Variants in CXCL5 observed in about 807,000 individuals in gnomAD.
CXCL5 encodes the protein C-X-C motif chemokine 5.
In CXCL5, 13 loss-of-function variants were observed where a neutral mutation model predicts 12.1. The observed-to-expected ratio is 1.08, with a 90% CI of 0.70 to 1.71. The LOEUF (loss-of-function observed/expected upper bound fraction) is 1.71, where lower values mean the gene tolerates loss of function less well. Among genes scored for constraint, CXCL5 ranks in the 40% most tolerant of loss-of-function variants. The pLI is 0.00. For missense variants in CXCL5, 159 were observed against 142.4 expected (o/e 1.12, Z -0.59); for synonymous variants, 67 against 59.0 (o/e 1.14, Z -0.62).
At position 73,998,111 on chromosome 4, in the gene CXCL5, A is replaced by C; in HGVS notation, c.243-16T>G. The C allele has an allele frequency of 6.2e-7, 1 of 1,613,506 alleles. No individual in the cohort carries two copies. Among genetic ancestry groups the C allele is most frequent in the Non-Finnish European group, 8.5e-7 (1 of 1,179,892 alleles). ...CAGGGAGGCTCTGAAGGAAAGAAAA[A>C]GAAGATACACTCATGAGATACCAAG... On this transcript the variant is annotated splice_polypyrimidine_tract_variant and intron_variant, in intron 2 of 3. Coordinates refer to ENST00000296027, the MANE Select transcript of CXCL5 (RefSeq NM_002994.5).
Position 73,998,282 on chromosome 4 carries a change from G to A in CXCL5, c.166C>T (p.Gln56Ter), listed in dbSNP as rs1366059074. Residue 56 changes from glutamine to a stop codon, truncating the protein, a stop_gained, in exon 2 of 4, where the codon CAA (glutamine) becomes TAA (stop). Coordinates refer to ENST00000296027, the MANE Select transcript of CXCL5 (RefSeq NM_002994.5). LOFTEE classifies it high-confidence loss of function. ...ELRCVCLQTTQGVHPKMISNL... is the reference protein window; with the variant it reads ...ELRCVCLQTT ...CTGATCATTTTGGGATGAACTCCTT[G>A]CGTGGTCTGTAAACAAACGCAACGC... The A allele has an allele frequency of 3.7e-6, 6 of 1,614,190 alleles. No homozygotes were observed. Among genetic ancestry groups the A allele is most frequent in the South Asian group, 1.1e-5 (1 of 91,088 alleles).
In CXCL5 at chr4:73,998,533, A is replaced by C; in HGVS notation, c.49T>G (p.Ser17Ala). Residue 17 changes from serine to alanine, a missense_variant, in exon 1 of 4, where the codon TCC becomes GCC. Physicochemically the swap from Ser to Ala is moderately conservative, Grantham distance 99 (BLOSUM62 1). Transcript: ENST00000296027. ...RAARVPGPSS[S>A]LCALLVLLLL... ...AGCAGCACCAACAGCGCGCACAAGG[A>C]GCTCGAAGGACCGGGGACACGGGCC... 1 of 1,596,388 alleles carries C rather than the reference A, an allele frequency of 6.3e-7. No homozygotes were observed. The highest frequency in any genetic ancestry group is 8.5e-7 in the Non-Finnish European group (1 of 1,171,236).
rs374628492 is a variant in CXCL5 at position 73,998,442 on chromosome 4, C to T, written c.109+31G>A. On this transcript the variant is annotated intron_variant, in intron 1 of 3. Transcript: ENST00000296027. ...TGGGATGCACCTCTGTGCCCGAGTG[C>T]GAGTGCGTCCCGCGCGCCATGCGCT... The T allele has an allele frequency of 1.3e-5, 21 of 1,606,246 alleles. No homozygotes were observed. In the African/African-American group the frequency reaches 2.3e-4, roughly 17 times the overall value.
chr4:73,998,662 G>A lies in CXCL5; in HGVS notation c.-81C>T. ...GGAGATTGGAGGAGCGAAGATTGGA[G>A]GATCCGGAGCACTGTGGCTTCCTCG... is the stretch of plus-strand genomic sequence containing the variant. On this transcript the variant is annotated 5_prime_UTR_variant, in exon 1 of 4. Coordinates refer to ENST00000296027, the MANE Select transcript of CXCL5 (RefSeq NM_002994.5). The A allele has an allele frequency of 1.0e-5, 13 of 1,254,416 alleles. No individual in the cohort carries two copies. The highest frequency in any genetic ancestry group is 1.4e-5 in the Non-Finnish European group (12 of 878,822). 77.7% of individuals were successfully genotyped at this position (1,254,416 alleles called of 1,614,324 possible).
Position 73,998,612 on chromosome 4 carries a change from G to T in CXCL5, c.-31C>A. The T allele has an allele frequency of 6.5e-7, 1 of 1,549,264 alleles. No individual in the cohort carries two copies. The highest frequency in any genetic ancestry group is 2.4e-5 in the East Asian group (1 of 41,168). On this transcript the variant is annotated 5_prime_UTR_variant, in exon 1 of 4. Transcript: ENST00000296027. ...TCAAGAGAGCGCTGCGAGCGGTCGC[G>T]GGTTCCTGAACTGGGTGGAGGAGCG...
rs770545074 is a variant in CXCL5, at chr4:73,998,249, G to A, written c.199C>T (p.Gln67Ter). ...CACTGTGGGCCTATGGCGAACACTT[G>A]CAGATTACTGATCATTTTGGGATGA... ...GVHPKMISNL[Q>*]VFAIGPQCSK... The change falls in exon 2 of 4, where the codon CAA (glutamine) becomes TAA (stop). Residue 67 changes from glutamine (Q) to a stop codon, truncating the protein, a stop_gained. Transcript: ENST00000296027. LOFTEE classifies it high-confidence loss of function. 1.9e-6 allele frequency: 3 copies of A among 1,614,144 alleles called. No homozygotes were observed. Among genetic ancestry groups the A allele is most frequent in the Admixed American group, 1.7e-5 (1 of 60,026 alleles).
At position 73,997,617 on chromosome 4, in the gene CXCL5, T is replaced by C. The variant is rs1185627647; in HGVS notation, c.*20A>G. 10 of 1,604,454 alleles carry C rather than the reference T, an allele frequency of 6.2e-6. No homozygotes were observed. Among genetic ancestry groups the C allele is most frequent in the African/African-American group, 2.7e-5 (2 of 74,432 alleles). ...TGCTGAAGACTGGGAAACTTTTCCA[T>C]GCGTGCTCATTTCTCTTAATCAGTT... On this transcript the variant is annotated 3_prime_UTR_variant, in exon 4 of 4. Transcript: ENST00000296027.
At position 73,996,466 on chromosome 4, in the gene CXCL5, C is replaced by T. The variant is rs1201711720; in HGVS notation, c.*1171G>A. The stretch of plus-strand genomic sequence containing the variant: ...GAGGGAACTTGCCCCAGCGTGGCCA[C>T]CTTATATATAATTATATATTCTACC... On this transcript the variant is annotated 3_prime_UTR_variant, in exon 4 of 4. Coordinates refer to ENST00000296027, the MANE Select transcript of CXCL5 (RefSeq NM_002994.5). 1.3e-5 allele frequency: 2 copies of T among 152,558 alleles called. No homozygotes were observed. Among genetic ancestry groups the T allele is most frequent in the Non-Finnish European group, 2.9e-5 (2 of 68,042 alleles). 9.5% of individuals were successfully genotyped at this position (152,558 alleles called of 1,614,324 possible). A position where few individuals can be genotyped will look rare whatever the true frequency, so the allele number is the denominator to read the frequency against.
rs1719198205 is a variant in CXCL5, at chr4:73,996,534, A to G, written c.*1103T>C. 1 of 152,292 alleles carries G rather than the reference A, an allele frequency of 6.6e-6. No individual in the cohort carries two copies. Among genetic ancestry groups the G allele is most frequent in the Admixed American group, 6.6e-5 (1 of 15,240 alleles). The allele number at this position is 152,292 out of a possible 1,614,324, so 9.4% of individuals were successfully genotyped here. A position where few individuals can be genotyped will look rare whatever the true frequency, so the allele number is the denominator to read the frequency against. On this transcript the variant is annotated 3_prime_UTR_variant, in exon 4 of 4. Coordinates refer to ENST00000296027, the MANE Select transcript of CXCL5 (RefSeq NM_002994.5). The stretch of plus-strand genomic sequence containing the variant: ...TCAAATTATGATTTTGGAAAATCTA[A>G]CCCATACAGAGGGATAAAAAATTGA...
intron 3 of CXCL5, 87 bp downstream of exon 3, chr4:73,997,925 T>C (rs1719231875): frequency 8.4e-7 from 1 of 1,184,900 alleles, no homozygotes; most frequent in Non-Finnish European, 1.2e-6. Context: ...AAGTGTTACT[T>C]AAATCGTACA....
chr4:73,998,132 C>T, intron 2 of CXCL5, 37 bp from the exon 3 acceptor site: 1 of 1,613,774 alleles, frequency 6.2e-7, no homozygotes, highest in East Asian at 2.2e-5. Context: ...TCATGAGATA[C>T]CAAGGTTGAA....
rs201722538 is a variant in CXCL5 at position 73,997,667 on chromosome 4, A to G, written c.327-12T>C. On this transcript the variant is annotated splice_polypyrimidine_tract_variant and intron_variant, in intron 3 of 3. Coordinates refer to ENST00000296027, the MANE Select transcript of CXCL5 (RefSeq NM_002994.5). ...TTTCCTTGTTTCCACTGTTGAGAAA[A>G]ATGTTATATTAGTTTAACCATTTTT... 1 of 1,601,570 alleles carries G rather than the reference A, an allele frequency of 6.2e-7. No individual in the cohort carries two copies. The highest frequency in any genetic ancestry group is 8.5e-7 in the Non-Finnish European group (1 of 1,170,668).
At position 73,996,599 on chromosome 4, in the gene CXCL5, T is replaced by C. The variant is rs1719200354; in HGVS notation, c.*1038A>G. The stretch of plus-strand genomic sequence containing the variant: ...CTTCTCCTTGTTTTTTTTTGTTTTG[T>C]TTTGTTTTTAACATTCCAAGCTCTC... On this transcript the variant is annotated 3_prime_UTR_variant, in exon 4 of 4. Coordinates refer to ENST00000296027, the MANE Select transcript of CXCL5 (RefSeq NM_002994.5). The C allele has an allele frequency of 6.6e-6, 1 of 152,560 alleles. No individual in the cohort carries two copies. The highest frequency in any genetic ancestry group is 1.5e-5 in the Non-Finnish European group (1 of 68,032). 9.5% of individuals were successfully genotyped at this position (152,560 alleles called of 1,614,324 possible). A position where few individuals can be genotyped will look rare whatever the true frequency, so the allele number is the denominator to read the frequency against.
In CXCL5 at chr4:73,996,503, C is replaced by T. The variant is rs1040164977; in HGVS notation, c.*1134G>A. Reference sequence around the variant, plus strand: ...TTATATATTCTACCATAAATGCTGGCCTTCTTCAAATTATGATTTTGGAAA... The same window carrying T: ...TTATATATTCTACCATAAATGCTGGTCTTCTTCAAATTATGATTTTGGAAA... On this transcript the variant is annotated 3_prime_UTR_variant, in exon 4 of 4. Coordinates refer to ENST00000296027, the MANE Select transcript of CXCL5 (RefSeq NM_002994.5). 1 of 152,528 alleles carries T rather than the reference C, an allele frequency of 6.6e-6. No individual in the cohort carries two copies. Among genetic ancestry groups the T allele is most frequent in the Non-Finnish European group, 1.5e-5 (1 of 68,028 alleles). 9.4% of individuals were successfully genotyped at this position (152,528 alleles called of 1,614,324 possible). A position where few individuals can be genotyped will look rare whatever the true frequency, so the allele number is the denominator to read the frequency against.
chr4:73,997,930 C>A, intron 3 of CXCL5, 82 bp downstream of exon 3: 1 of 1,199,550 alleles, frequency 8.3e-7, no homozygotes, highest in South Asian at 1.3e-5. Context: ...TTACTTAAAT[C>A]GTACAGAGAA....
Position 73,997,649 on chromosome 4 carries a change from G to GT in CXCL5, c.332dup (p.Asn111LysfsTer75). 1 of 1,608,344 alleles carries GT rather than the reference G, an allele frequency of 6.2e-7. No individual in the cohort carries two copies. The highest frequency in any genetic ancestry group is 8.5e-7 in the Non-Finnish European group (1 of 1,176,566). On this transcript the variant is annotated frameshift_variant, in exon 4 of 4. Transcript: ENST00000296027. LOFTEE classifies it high-confidence loss of function. ...TCATTTCTCTTAATCAGTTTTCCTT[G>GT]TTTCCACTGTTGAGAAAAATGTTAT...
At position 73,998,240 on chromosome 4, in the gene CXCL5, C is replaced by T. The variant is rs200635427; in HGVS notation, c.208G>A (p.Ala70Thr). Residue 70 changes from alanine to threonine, a missense_variant, in exon 2 of 4, where the codon GCC becomes ACC. Physicochemically the swap from Ala to Thr is moderately conservative, Grantham distance 58 (BLOSUM62 0). Transcript: ENST00000296027. ...ACCTTGGAGCACTGTGGGCCTATGG[C>T]GAACACTTGCAGATTACTGATCATT... Reference protein sequence around the residue: ...PKMISNLQVFAIGPQCSKVEV... With the variant: ...PKMISNLQVFTIGPQCSKVEV... The T allele has an allele frequency of 1.2e-5, 20 of 1,613,982 alleles. No homozygotes were observed. Among genetic ancestry groups the T allele is most frequent in the Middle Eastern group, 3.3e-4 (2 of 6,084 alleles).
At position 73,998,284 on chromosome 4, in the gene CXCL5, G is replaced by T; in HGVS notation, c.164C>A (p.Thr55Lys). Residue 55 changes from threonine (T) to lysine (K), a missense_variant, in exon 2 of 4, where the codon ACG (threonine) becomes AAG (lysine). Coordinates refer to ENST00000296027, the MANE Select transcript of CXCL5 (RefSeq NM_002994.5). ...RELRCVCLQT[T>K]QGVHPKMISN... ...GATCATTTTGGGATGAACTCCTTGC[G>T]TGGTCTGTAAACAAACGCAACGCAG... is the stretch of plus-strand genomic sequence containing the variant. 6.2e-7 allele frequency: 1 copy of T among 1,614,154 alleles called. No individual in the cohort carries two copies.
intron 3 of CXCL5, 78 bp from the exon 4 acceptor site, chr4:73,997,733 T>C (rs971072363): frequency 8.4e-7 from 1 of 1,195,222 alleles, no homozygotes; most frequent in Admixed American, 2.3e-5. Context: ...ACTCAGCGTT[T>C]ATGATGTTTG....
Sources: allele counts gnomAD v4.1 joint callset, GRCh38; gene constraint gnomAD v4.1.1; transcripts MANE v1.5; gene names NCBI Gene and HGNC (gene_info 2026-07-23, HGNC 2026-07-21).